The following STK31 variants were observed in gnomAD, a reference collection of about 807,000 sequenced individuals.
The protein encoded by STK31 is serine/threonine-protein kinase 31.
STK31 carries 89 observed loss-of-function variants against 129.7 expected under a neutral mutation model. The ratio of observed to expected loss-of-function variants is 0.69; its 90% CI spans 0.58 to 0.82. The LOEUF is 0.82. Among genes scored for constraint, STK31 ranks in the 40% least tolerant of loss-of-function variants. The pLI is 0.00. For missense variants in STK31, 1,187 were observed against 1,176.4 expected (o/e 1.01, Z -0.13); for synonymous variants, 448 against 395.3 (o/e 1.13, Z -1.58).
intron 22 of STK31, among the ~76,000 whole-genome samples, chr7:23,814,577 A>G (rs565219145): frequency 1.3e-5 from 2 of 152,166 alleles, no homozygotes; most frequent in Non-Finnish European, 2.9e-5. Flanking sequence ...TGCCTCAAAG[A>G]TAATATATAT....
intron 11 of STK31, among the ~76,000 whole-genome samples, chr7:23,765,396 CCT>C (rs1369241790): frequency 3.9e-5 from 6 of 152,056 alleles, no homozygotes; most frequent in African/African-American, 1.4e-4. Context: ...TTTGAAATAA[CCT>C]CTTGATAACA....
At chr7:23,800,381 C>T (rs1427891573) in intron 22 of STK31, among the ~76,000 whole-genome samples, 1 of 152,128 alleles carries the variant, frequency 6.6e-6, no homozygotes, top group African/African-American at 2.4e-5. Flanking sequence ...CACATATACA[C>T]CATGCAATAC....
intron 22 of STK31, among the ~76,000 whole-genome samples, chr7:23,791,823 G>T (rs1791638417): frequency 3.9e-5 from 6 of 152,138 alleles, no homozygotes; most frequent in Admixed American, 3.9e-4. Flanking sequence ...ATCAGCCCAG[G>T]GGCCAGCAAG....
intron 23 of STK31, among the ~76,000 whole-genome samples, chr7:23,823,591 C>G (rs1295589367): frequency 5.3e-5 from 8 of 152,204 alleles, no homozygotes; most frequent in Admixed American, 2.6e-4. Context: ...TGCAGAAGCT[C>G]TTTAGTTTAA....
intron 7 of STK31, among the ~76,000 whole-genome samples, chr7:23,736,263 G>C (rs549404619): frequency 9.8e-5 from 15 of 152,294 alleles, no homozygotes; most frequent in African/African-American, 3.6e-4. Flanking sequence ...ATATTTTAAA[G>C]AGTTTCAGGA....
Position 23,788,088 on chromosome 7 carries a change from G to C in STK31, c.2596G>C (p.Glu866Gln). ...HQNNVFALNREQGIVGDFDFT... is the reference protein window; with the variant it reads ...HQNNVFALNRQQGIVGDFDFT... ...GAACAATGTATTTGCTTTAAACCGT[G>C]AACAAGGAATTGTTGGAGATTTTGA... Residue 866 changes from glutamate (E) to glutamine (Q), a missense_variant, in exon 21 of 24, where the codon GAA becomes CAA. Glu to Gln is a conservative substitution (Grantham distance 29). Coordinates refer to ENST00000355870, the MANE Select transcript of STK31 (RefSeq NM_031414.5). The C allele has an allele frequency of 6.2e-7, 1 of 1,611,776 alleles. No individual in the cohort carries two copies.
chr7:23,771,930 G>T, intron 14 of STK31: 1 of 305,350 alleles, frequency 3.3e-6, no homozygotes, highest in Non-Finnish European at 6.0e-6. Context: ...TTTTGTCTTT[G>T]TTACTTTGAG....
chr7:23,725,313 T>C (rs962814003), intron 4 of STK31, among the ~76,000 whole-genome samples: 3 of 136,528 alleles, frequency 2.2e-5, no homozygotes, highest in Non-Finnish European at 3.0e-5. Context: ...GGCAGGAGGA[T>C]TGGTTGAGGC....
chr7:23,820,607 A>G (rs544016047), intron 23 of STK31, among the ~76,000 whole-genome samples: 2 of 152,272 alleles, frequency 1.3e-5, no homozygotes, highest in Admixed American at 6.5e-5. Context: ...GCTATCAATC[A>G]CTAGTACTTA....
intron 22 of STK31, among the ~76,000 whole-genome samples, chr7:23,794,298 C>T (rs1302229001): frequency 2.6e-5 from 4 of 152,182 alleles, no homozygotes; most frequent in Non-Finnish European, 1.5e-5. Context: ...GGCATTTTCC[C>T]TTTTGCTTGG....
At chr7:23,767,588 A>G (rs2128101889) in intron 11 of STK31, among the ~76,000 whole-genome samples, 1 of 152,234 alleles carries the variant, frequency 6.6e-6, no homozygotes. Context: ...ATGCTGCCAG[A>G]TATTCAGGGG....
intron 7 of STK31, 75 bp downstream of exon 7, chr7:23,735,971 A>G: frequency 2.4e-6 from 3 of 1,261,576 alleles, no homozygotes; most frequent in Non-Finnish European, 3.3e-6. Context: ...GTTAAGGCTT[A>G]TGCTTTTGGA....
chr7:23,724,172 C>T (rs952925979), intron 4 of STK31, among the ~76,000 whole-genome samples: 3 of 152,062 alleles, frequency 2.0e-5, no homozygotes, highest in Admixed American at 6.5e-5. Flanking sequence ...AATGCTATGC[C>T]GGACAGGAAC....
intron 15 of STK31, among the ~76,000 whole-genome samples, chr7:23,774,570 T>C (rs1790417818): frequency 6.6e-6 from 1 of 152,242 alleles, no homozygotes; most frequent in Admixed American, 6.5e-5. Flanking sequence ...GTTGGCTGCA[T>C]AAATGTCTTC....
chr7:23,791,094 T>C, intron 22 of STK31, 148 bp downstream of exon 22: 2 of 909,724 alleles, frequency 2.2e-6, no homozygotes, highest in Non-Finnish European at 2.9e-6. Flanking sequence ...ATATGCTTCC[T>C]ATTACCTATT....
At chr7:23,812,227 G>C (rs1793180232) in intron 22 of STK31, among the ~76,000 whole-genome samples, 1 of 152,010 alleles carries the variant, frequency 6.6e-6, no homozygotes, top group South Asian at 2.1e-4. Context: ...ATTTGTGGTG[G>C]TTGAGAGTTA....
intron 22 of STK31, among the ~76,000 whole-genome samples, chr7:23,793,729 G>A (rs570411308): frequency 1.2e-4 from 18 of 152,208 alleles, no homozygotes; most frequent in Admixed American, 9.8e-4. Context: ...TAAAAAGATC[G>A]TACCAACGGT....
intron 10 of STK31, among the ~76,000 whole-genome samples, chr7:23,761,703 C>T (rs1315246415): frequency 1.3e-5 from 2 of 151,142 alleles, no homozygotes; most frequent in African/African-American, 4.8e-5. Context: ...CCACCGTGCC[C>T]AGATGTTTTT....
chr7:23,730,878 A>ATATATATATATATATT, intron 6 of STK31, among the ~76,000 whole-genome samples: 8 of 59,552 alleles, frequency 1.3e-4, no homozygotes, highest in Non-Finnish European at 1.6e-4. Context: ...ATATATATAT[A>ATATATATATATATATT]TTTTTTTTTT....
Sources: gnomAD v4.1 joint callset for allele counts (sites outside exome capture counted in the v4.1 genomes callset) on GRCh38, gnomAD v4.1.1 for gene constraint, MANE v1.5 for transcripts, NCBI Gene and HGNC (gene_info 2026-07-23, HGNC 2026-07-21) for gene names.